CSGALNACT1: variants seen among roughly 807,000 people sequenced by gnomAD.
The protein encoded by CSGALNACT1 is chondroitin sulfate N-acetylgalactosaminyltransferase 1.
In CSGALNACT1, 52 loss-of-function variants were observed where a neutral mutation model predicts 51.0. The observed-to-expected ratio is 1.02, with a 90% CI of 0.82 to 1.29. The LOEUF (loss-of-function observed/expected upper bound fraction) is 1.29, where lower values mean the gene tolerates loss of function less well. Among genes scored for constraint, CSGALNACT1 ranks in the 50% most tolerant of loss-of-function variants. The pLI, the probability that CSGALNACT1 is intolerant of heterozygous loss-of-function variation, is 0.00. For synonymous variants in CSGALNACT1, 341 were observed against 254.4 expected (o/e 1.34, Z -3.24); for missense variants, 935 against 679.2 (o/e 1.38, Z -4.19).
chr8:19,486,850 G>A (rs1037255602), intron 4 of CSGALNACT1, among the ~76,000 whole-genome samples: 3 of 152,274 alleles, frequency 2.0e-5, no homozygotes, highest in Non-Finnish European at 2.9e-5. Context: ...TTTTGTCTCA[G>A]TTTTCACTCC....
Position 19,461,849 on chromosome 8 carries a change from A to G in CSGALNACT1, c.635-3207T>C, listed in dbSNP as rs112913926. On this transcript the variant is annotated intron_variant, in intron 4 of 9. Transcript: ENST00000454498. ...GCCATGGAGGGTGTATCTGCACAGCAGCCACATTCACCATGGAGGGCGTAT... is the reference window on the plus strand; with the variant it reads ...GCCATGGAGGGTGTATCTGCACAGCGGCCACATTCACCATGGAGGGCGTAT... Among the ~76,000 whole-genome samples, 93 of 43,260 alleles carry G rather than the reference A, an allele frequency of 2.1e-3. 11 individuals are homozygous for G. The East Asian group carries it at 0.031, about 15-fold the overall frequency. 28.4% of individuals were successfully genotyped at this position (43,260 alleles called of 152,430 possible).
At chr8:19,660,256 TGA>T (rs1027857145) in intron 1 of CSGALNACT1, among the ~76,000 whole-genome samples, 1 of 152,152 alleles carries the variant, frequency 6.6e-6, no homozygotes, top group African/African-American at 2.4e-5. Flanking sequence ...CCAAAAAAGA[TGA>T]GAGGATGGAG....
intron 3 of CSGALNACT1, among the ~76,000 whole-genome samples, chr8:19,506,986 C>T (rs569679531): frequency 2.0e-5 from 3 of 152,328 alleles, no homozygotes; most frequent in East Asian, 3.9e-4. Context: ...CACATGTGTT[C>T]ACCTGTGTGC....
intron 1 of CSGALNACT1, among the ~76,000 whole-genome samples, chr8:19,717,275 C>T (rs561576797): frequency 6.6e-6 from 1 of 152,212 alleles, no homozygotes. Flanking sequence ...TCATTAACCT[C>T]GTGTGACAGA....
At chr8:19,415,006 T>G (rs1022051520) in intron 8 of CSGALNACT1, among the ~76,000 whole-genome samples, 1 of 152,206 alleles carries the variant, frequency 6.6e-6, no homozygotes. Flanking sequence ...TTTCTATAGT[T>G]TCAAGTTCTC....
chr8:19,470,597 G>A (rs765167063), intron 4 of CSGALNACT1, among the ~76,000 whole-genome samples: 79 of 152,290 alleles, frequency 5.2e-4, no homozygotes, highest in Non-Finnish European at 1.0e-3. Flanking sequence ...GTGTTAACAG[G>A]TAGCTGGGCA....
chr8:19,425,727 G>A (rs886089163), intron 6 of CSGALNACT1, among the ~76,000 whole-genome samples: 6 of 152,080 alleles, frequency 3.9e-5, no homozygotes, highest in African/African-American at 1.2e-4. Flanking sequence ...AATAAAACTC[G>A]GATAGACTGA....
At chr8:19,735,278 C>T (rs1213115734) in intron 1 of CSGALNACT1, among the ~76,000 whole-genome samples, 4 of 152,136 alleles carry the variant, frequency 2.6e-5, no homozygotes, top group African/African-American at 7.2e-5. Context: ...GAAATTGGCA[C>T]TCTGGGGCCC....
intron 6 of CSGALNACT1, among the ~76,000 whole-genome samples, chr8:19,422,412 G>A (rs1310954589): frequency 6.6e-6 from 1 of 152,048 alleles, no homozygotes; most frequent in Non-Finnish European, 1.5e-5. Context: ...CCAACTCTTG[G>A]CTTCATGCGG....
chr8:19,651,920 T>G (rs1197804124), intron 1 of CSGALNACT1, among the ~76,000 whole-genome samples: 7 of 112,792 alleles, frequency 6.2e-5, no homozygotes, highest in South Asian at 5.1e-4. Context: ...TGTCTGTTTT[T>G]TTTTGTTTTG....
rs143003718 is a variant in CSGALNACT1, at chr8:19,614,268, G to A, written c.-543-12403C>T. ...TACTTTTACTAAAAAATCAAAAACT[G>A]AGACTCGAAAGGCTAAATAATGTAC... is the stretch of plus-strand genomic sequence containing the variant. On this transcript the variant is annotated intron_variant, in intron 1 of 9. Transcript: ENST00000332246. Among the ~76,000 whole-genome samples the A allele has an allele frequency of 1.0e-3, 154 of 152,270 alleles. No individual in the cohort carries two copies. In the Middle Eastern group the frequency reaches 0.01, roughly 10 times the overall value.
intron 4 of CSGALNACT1, among the ~76,000 whole-genome samples, chr8:19,489,931 T>G (rs1267178765): frequency 6.6e-6 from 1 of 152,180 alleles, no homozygotes; most frequent in Non-Finnish European, 1.5e-5. Context: ...CAAAGTCTCC[T>G]TCTACACCTT....
chr8:19,695,097 T>C (rs2061521322), intron 1 of CSGALNACT1, among the ~76,000 whole-genome samples: 1 of 152,210 alleles, frequency 6.6e-6, no homozygotes, highest in South Asian at 2.1e-4. Context: ...CCCAACATTG[T>C]TCACAATAAT....
upstream of CSGALNACT1, among the ~76,000 whole-genome samples, chr8:19,686,919 C>A (rs565853231): frequency 6.6e-6 from 1 of 152,194 alleles, no homozygotes; most frequent in Admixed American, 6.5e-5. Context: ...CCATGGCCAA[C>A]AGTTTAACGT....
intron 6 of CSGALNACT1, among the ~76,000 whole-genome samples, chr8:19,428,853 G>A (rs1017416485): frequency 2.6e-5 from 4 of 151,318 alleles, no homozygotes; most frequent in South Asian, 2.1e-4. Flanking sequence ...GTGTGTGTGT[G>A]TGTGTGTGTG....
intron 5 of CSGALNACT1, among the ~76,000 whole-genome samples, chr8:19,444,265 G>T (rs1368154710): frequency 6.6e-6 from 1 of 152,182 alleles, no homozygotes; most frequent in Non-Finnish European, 1.5e-5. Context: ...CAATGTAAAT[G>T]CTATGTAAAG....
At chr8:19,586,936 A>G (rs2046794737) in intron 3 of CSGALNACT1, among the ~76,000 whole-genome samples, 1 of 152,236 alleles carries the variant, frequency 6.6e-6, no homozygotes, top group Non-Finnish European at 1.5e-5. Flanking sequence ...AATATCTCAC[A>G]ACTCTAGTAA....
intron 6 of CSGALNACT1, among the ~76,000 whole-genome samples, chr8:19,427,594 C>T (rs952539738): frequency 6.6e-6 from 1 of 152,110 alleles, no homozygotes; most frequent in African/African-American, 2.4e-5. Flanking sequence ...CGAGACCATC[C>T]TGGCTAACAC....
intron 6 of CSGALNACT1, among the ~76,000 whole-genome samples, chr8:19,423,829 A>G (rs2058342120): frequency 6.6e-6 from 1 of 152,166 alleles, no homozygotes; most frequent in Non-Finnish European, 1.5e-5. Flanking sequence ...TGTTATATCC[A>G]TGGCACTACC....
Sources: gnomAD v4.1 joint callset for allele counts (sites outside exome capture counted in the v4.1 genomes callset) on GRCh38, gnomAD v4.1.1 for gene constraint, MANE v1.5 for transcripts, NCBI Gene and HGNC (gene_info 2026-07-23, HGNC 2026-07-21) for gene names.